The following TENM2 variants were observed in gnomAD, a reference collection of about 807,000 sequenced individuals.
TENM2 encodes the protein teneurin-2.
TENM2 carries 52 observed loss-of-function variants against 245.2 expected under a neutral mutation model. That is an observed-to-expected ratio of 0.21 (90% CI 0.17 to 0.27). TENM2 has a LOEUF of 0.27. Ranked by LOEUF, TENM2 falls within the 10% of genes least tolerant of loss-of-function variation. TENM2 has a pLI of 1.00. For synonymous variants in TENM2, 1,363 were observed against 1,438.9 expected, an observed-to-expected ratio of 0.95 and a Z score of 1.19; for missense variants, 3,046 against 3,666.8, an observed-to-expected ratio of 0.83 and a Z score of 4.37.
At chr5:167,538,292 G>C (rs747497007) in intron 2 of TENM2, among the ~76,000 whole-genome samples, 1 of 152,202 alleles carries the variant, frequency 6.6e-6, no homozygotes, top group Non-Finnish European at 1.5e-5. Context: ...TTTGAAATGA[G>C]GTTCAGAATT....
the TENM2 span, among the ~76,000 whole-genome samples, chr5:167,243,177 G>T: frequency 6.6e-6 from 1 of 152,126 alleles, no homozygotes; most frequent in Non-Finnish European, 1.5e-5. Flanking sequence ...TAAGGAGGGG[G>T]TTGCCAGTGT....
chr5:168,034,047 GTGTA>G (rs1425366575), intron 5 of TENM2, among the ~76,000 whole-genome samples: 5 of 133,338 alleles, frequency 3.7e-5, no homozygotes, highest in Non-Finnish European at 4.7e-5. Context: ...ATATATGTGT[GTGTA>G]TATATATATA....
chr5:167,104,933 C>T, the TENM2 span, among the ~76,000 whole-genome samples: 1 of 152,250 alleles, frequency 6.6e-6, no homozygotes. Flanking sequence ...TATGTTTTGT[C>T]AATAAAATAA....
intron 2 of TENM2, among the ~76,000 whole-genome samples, chr5:167,859,391 C>CT: frequency 7.3e-6 from 1 of 137,584 alleles, no homozygotes; most frequent in Non-Finnish European, 1.6e-5. Flanking sequence ...GGGGGGTCAG[C>CT]CCCCCGCCCG....
chr5:167,101,815 C>T, the TENM2 span, among the ~76,000 whole-genome samples: 2 of 102,238 alleles, frequency 2.0e-5, no homozygotes. Flanking sequence ...CTCAGTCTTC[C>T]CAGCTGGGGC....
At chr5:167,336,606 A>G (rs1757769523) in intron 1 of TENM2, among the ~76,000 whole-genome samples, 1 of 152,078 alleles carries the variant, frequency 6.6e-6, no homozygotes, top group African/African-American at 2.4e-5. Context: ...ATCAGCAGTT[A>G]CAAAGCATAG....
chr5:167,788,125 T>C, intron 2 of TENM2, among the ~76,000 whole-genome samples: 1 of 152,180 alleles, frequency 6.6e-6, no homozygotes, highest in East Asian at 1.9e-4. Context: ...GACACATGCA[T>C]AGCTGTTAGA....
At chr5:167,280,828 T>C (rs1771015271), upstream of TENM2, among the ~76,000 whole-genome samples, 1 of 151,642 alleles carries the variant, frequency 6.6e-6, no homozygotes, top group Admixed American at 6.6e-5. Flanking sequence ...TAATTTCTTT[T>C]TGCCATATAT....
intron 2 of TENM2, among the ~76,000 whole-genome samples, chr5:167,522,777 A>C (rs902900588): frequency 1.3e-5 from 2 of 151,102 alleles, no homozygotes; most frequent in Non-Finnish European, 2.9e-5. Flanking sequence ...TTACTACTAC[A>C]TCCTACTTTG....
intron 1 of TENM2, among the ~76,000 whole-genome samples, chr5:167,338,038 T>C (rs1674150528): frequency 6.6e-6 from 1 of 152,214 alleles, no homozygotes; most frequent in African/African-American, 2.4e-5. Context: ...TTTTGTGATT[T>C]CTCACTGGAT....
intron 5 of TENM2, among the ~76,000 whole-genome samples, chr5:168,012,813 ATATTG>A (rs201215510): frequency 0.013 from 1,827 of 142,288 alleles, 23 homozygotes; most frequent in Non-Finnish European, 0.017. Flanking sequence ...ACAGTGGTTT[ATATTG>A]AGGCTTGATT....
At chr5:168,154,166 A>AAAAAAAAAAAAAAAAAAAAAAG (rs1756933756) in intron 12 of TENM2, among the ~76,000 whole-genome samples, 1 of 149,714 alleles carries the variant, frequency 6.7e-6, no homozygotes, top group African/African-American at 2.5e-5. Context: ...AAAAAAAAAA[A>AAAAAAAAAAAAAAAAAAAAAAG]CAGTAAGAGC....
chr5:167,227,082 C>A, the TENM2 span, among the ~76,000 whole-genome samples: 1 of 101,770 alleles, frequency 9.8e-6, no homozygotes, highest in Non-Finnish European at 2.0e-5. Context: ...ACTGTGAGTG[C>A]ATTTCTTGTA....
chr5:167,863,333 G>A (rs948182414), intron 2 of TENM2, among the ~76,000 whole-genome samples: 2 of 152,078 alleles, frequency 1.3e-5, no homozygotes, highest in Non-Finnish European at 1.5e-5. Context: ...TACTGATGCT[G>A]GCCAGGCACA....
intron 2 of TENM2, among the ~76,000 whole-genome samples, chr5:167,480,020 T>C (rs996632791): frequency 2.6e-5 from 4 of 152,200 alleles, no homozygotes; most frequent in African/African-American, 9.6e-5. Flanking sequence ...GTCTAAGGCA[T>C]TTGCAACCAC....
intron 2 of TENM2, among the ~76,000 whole-genome samples, chr5:167,861,808 G>T (rs1340616066): frequency 2.0e-5 from 3 of 152,246 alleles, no homozygotes; most frequent in African/African-American, 7.2e-5. Context: ...AGCGACAGCA[G>T]TCAGAAGCAA....
intron 1 of TENM2, among the ~76,000 whole-genome samples, chr5:167,285,822 T>G (rs922898503): frequency 1.3e-5 from 2 of 152,216 alleles, no homozygotes; most frequent in African/African-American, 4.8e-5. Context: ...CGCACAAAAC[T>G]GTACCGAATG....
chr5:167,985,497 G>A (rs1036902543), intron 4 of TENM2, among the ~76,000 whole-genome samples: 4 of 152,174 alleles, frequency 2.6e-5, no homozygotes, highest in Admixed American at 1.3e-4. Flanking sequence ...CGCAGACTTC[G>A]TGAGCAAAGA....
the TENM2 span, among the ~76,000 whole-genome samples, chr5:166,984,601 A>T: frequency 2.0e-4 from 30 of 152,230 alleles, no homozygotes; most frequent in African/African-American, 5.5e-4. Context: ...ATGTTTTTTT[A>T]AAAAAGTCAC....
Sources: allele counts gnomAD v4.1 joint callset (sites outside exome capture counted in the v4.1 genomes callset), GRCh38; gene constraint gnomAD v4.1.1; transcripts MANE v1.5; gene names NCBI Gene and HGNC (gene_info 2026-07-23, HGNC 2026-07-21).